TARP: variants seen among roughly 807,000 people sequenced by gnomAD.
chr7:38,269,368 G>C, the TARP span: 2 of 614,700 alleles, frequency 3.3e-6, no homozygotes, highest in Non-Finnish European at 5.8e-6. Context: ...TCTCTCCTAA[G>C]TTTTCTACAT....
the TARP span, chr7:38,265,781 C>G: frequency 2.3e-6 from 2 of 870,628 alleles, no homozygotes; most frequent in African/African-American, 3.5e-5. Context: ...AGAGAAGATG[C>G]CATTGAGCTG....
the TARP span, among the ~76,000 whole-genome samples, chr7:38,263,590 T>C: frequency 1.3e-5 from 2 of 151,340 alleles, no homozygotes; most frequent in South Asian, 2.1e-4. Context: ...CCAAGTCACA[T>C]TGACAGTTCT....
At chr7:38,265,673 G>A in the TARP span, 1 of 1,591,006 alleles carries the variant, frequency 6.3e-7, no homozygotes, top group South Asian at 1.1e-5. Context: ...GCATCAAGTT[G>A]TTTATCTATG....
chr7:38,270,574 C>T, the TARP span, among the ~76,000 whole-genome samples: 4 of 151,630 alleles, frequency 2.6e-5, no homozygotes, highest in Non-Finnish European at 5.9e-5. Flanking sequence ...AAACTTCAGC[C>T]TGAAACTGAC....
chr7:38,273,622 T>C, the TARP span: 2 of 1,598,232 alleles, frequency 1.3e-6, no homozygotes, highest in Non-Finnish European at 1.7e-6. Context: ...ACCAAATACC[T>C]TGATTTTTTT....
chr7:38,262,127 C>T, the TARP span: 1 of 1,563,250 alleles, frequency 6.4e-7, no homozygotes, highest in Non-Finnish European at 8.8e-7. Flanking sequence ...CAGAGAAGTT[C>T]AAAACAAAAT....
chr7:38,261,613 G>A, the TARP span, among the ~76,000 whole-genome samples: 3 of 151,442 alleles, frequency 2.0e-5, no homozygotes, highest in South Asian at 2.1e-4. Context: ...AGTGACTCAC[G>A]CCTGTAATCC....
the TARP span, among the ~76,000 whole-genome samples, chr7:38,260,551 T>C: frequency 6.6e-6 from 1 of 150,786 alleles, no homozygotes; most frequent in Admixed American, 6.6e-5. Context: ...TCACCTGTCT[T>C]TCCTAAATGC....
chr7:38,264,419 C>T, the TARP span, among the ~76,000 whole-genome samples: 2 of 151,214 alleles, frequency 1.3e-5, no homozygotes, highest in East Asian at 1.9e-4. Flanking sequence ...GGTGAAACCC[C>T]ATCTCTACTA....
chr7:38,261,138 A>G, the TARP span, among the ~76,000 whole-genome samples: 2 of 151,794 alleles, frequency 1.3e-5, no homozygotes, highest in African/African-American at 4.8e-5. Context: ...AATCATTAAA[A>G]GAGCTGGAGT....
At chr7:38,261,195 T>C in the TARP span, among the ~76,000 whole-genome samples, 1 of 151,714 alleles carries the variant, frequency 6.6e-6, no homozygotes, top group Non-Finnish European at 1.5e-5. Context: ...CCCCACATGA[T>C]GTCCGTTTTG....
the TARP span, chr7:38,260,271 C>T: frequency 0.12 from 102,553 of 863,106 alleles, 21,372 homozygotes; most frequent in African/African-American, 0.51. Context: ...GAATAAGATA[C>T]ATTAATGCGA....
chr7:38,270,970 A>G, the TARP span, among the ~76,000 whole-genome samples: 3 of 150,956 alleles, frequency 2.0e-5, no homozygotes, highest in African/African-American at 4.9e-5. Context: ...CTTTTTATCA[A>G]TTAGTAAGAT....
At chr7:38,263,295 TA>T in the TARP span, among the ~76,000 whole-genome samples, 1 of 151,908 alleles carries the variant, frequency 6.6e-6, no homozygotes, top group East Asian at 1.9e-4. Flanking sequence ...AAATAAAGTT[TA>T]AAAAGTGCAG....
the TARP span, among the ~76,000 whole-genome samples, chr7:38,273,228 G>A: frequency 7.2e-6 from 1 of 138,846 alleles, no homozygotes; most frequent in East Asian, 2.1e-4. Context: ...GACCAAATAA[G>A]GAGGGTAGCT....
chr7:38,271,228 A>G, the TARP span, among the ~76,000 whole-genome samples: 1 of 151,462 alleles, frequency 6.6e-6, no homozygotes, highest in African/African-American at 2.4e-5. Flanking sequence ...TGCCCCCAGG[A>G]GTTGATGGTT....
the TARP span, among the ~76,000 whole-genome samples, chr7:38,261,674 C>G: frequency 5.3e-5 from 8 of 151,068 alleles, no homozygotes; most frequent in Admixed American, 3.3e-4. Flanking sequence ...AAATTCGAGG[C>G]CATCCTGGCC....
chr7:38,271,963 A>G, the TARP span, among the ~76,000 whole-genome samples: 1 of 151,456 alleles, frequency 6.6e-6, no homozygotes, highest in Non-Finnish European at 1.5e-5. Flanking sequence ...GTAGCCCTAT[A>G]AATTTACATA....
At chr7:38,267,339 A>G in the TARP span, among the ~76,000 whole-genome samples, 693 of 141,114 alleles carry the variant, frequency 4.9e-3, no homozygotes, top group East Asian at 9.6e-3. Flanking sequence ...AATGGGTTAT[A>G]CACGTATTTT....
Sources: allele counts gnomAD v4.1 joint callset (sites outside exome capture counted in the v4.1 genomes callset), GRCh38; gene constraint gnomAD v4.1.1; transcripts MANE v1.5.